The following VPS53 variants were observed in gnomAD, a reference collection of about 807,000 sequenced individuals.
VPS53 encodes vacuolar protein sorting-associated protein 53 homolog.
A neutral mutation model predicts 107.0 loss-of-function variants in VPS53; 70 were observed. The observed-to-expected ratio is 0.65, with a 90% CI of 0.54 to 0.80. The LOEUF (loss-of-function observed/expected upper bound fraction) is 0.80. Ranked by LOEUF, VPS53 falls within the 30% of genes least tolerant of loss-of-function variation. VPS53 has a pLI of 0.00. For missense variants in VPS53, 917 were observed against 1,049.4 expected (o/e 0.87, Z 1.74); for synonymous variants, 409 against 393.3 (o/e 1.04, Z -0.47).
chr17:635,374 T>C (rs2143227104), intron 7 of VPS53, among the ~76,000 whole-genome samples: 1 of 152,352 alleles, frequency 6.6e-6, no homozygotes, highest in Non-Finnish European at 1.5e-5. Flanking sequence ...ATAGTTTCTT[T>C]TGCTGTGCAG....
intron 13 of VPS53, among the ~76,000 whole-genome samples, chr17:573,181 G>A (rs1466089794): frequency 1.3e-5 from 2 of 152,212 alleles, no homozygotes; most frequent in South Asian, 2.1e-4. Context: ...TAACTTCCCT[G>A]ATGGAGAACG....
intron 12 of VPS53, among the ~76,000 whole-genome samples, chr17:599,190 G>C (rs371734216): frequency 1.0e-3 from 150 of 144,350 alleles, no homozygotes; most frequent in Middle Eastern, 3.9e-3. Flanking sequence ...GCCTCTGCCC[G>C]GCCGCCCCTA....
chr17:602,302 A>G (rs1170898959), intron 11 of VPS53, among the ~76,000 whole-genome samples: 1 of 152,212 alleles, frequency 6.6e-6, no homozygotes, highest in Non-Finnish European at 1.5e-5. Context: ...TCTGGCCTCC[A>G]TGATGGCAGA....
At chr17:556,945 A>AGGGCCTCTCTGCTGAGGG in intron 15 of VPS53, among the ~76,000 whole-genome samples, 1 of 150,228 alleles carries the variant, frequency 6.7e-6, no homozygotes, top group African/African-American at 2.5e-5. Context: ...CTCTCTGAGG[A>AGGGCCTCTCTGCTGAGGG]GGTGATACTG....
At chr17:624,403 C>A (rs1219511196) in intron 10 of VPS53, among the ~76,000 whole-genome samples, 1 of 152,208 alleles carries the variant, frequency 6.6e-6, no homozygotes, top group Non-Finnish European at 1.5e-5. Flanking sequence ...GCACGCTTAG[C>A]TGGTCCCTGC....
chr17:624,729 G>A (rs1327809392), intron 10 of VPS53, among the ~76,000 whole-genome samples: 23 of 152,154 alleles, frequency 1.5e-4, no homozygotes. Flanking sequence ...TTCTCACTGA[G>A]CTGGTTTGCA....
At chr17:647,774 A>G (rs1474553154) in intron 7 of VPS53, among the ~76,000 whole-genome samples, 4 of 152,232 alleles carry the variant, frequency 2.6e-5, no homozygotes, top group Non-Finnish European at 5.9e-5. Flanking sequence ...CCTGCCCCGG[A>G]GCGTCAGAAA....
intron 4 of VPS53, among the ~76,000 whole-genome samples, chr17:693,578 A>G (rs1480432669): frequency 6.6e-6 from 1 of 152,178 alleles, no homozygotes; most frequent in East Asian, 1.9e-4. Context: ...AAAATTAAAA[A>G]TTAAAAATAG....
chr17:527,055 T>A (rs745659042), intron 19 of VPS53, among the ~76,000 whole-genome samples: 9 of 152,218 alleles, frequency 5.9e-5, no homozygotes, highest in Non-Finnish European at 1.2e-4. Context: ...TTTAAAAAAA[T>A]TAGGTATAAC....
intron 13 of VPS53, among the ~76,000 whole-genome samples, chr17:582,572 G>A (rs1279369695): frequency 2.2e-5 from 3 of 136,630 alleles, no homozygotes; most frequent in Non-Finnish European, 3.1e-5. Flanking sequence ...TCCTTCAGAC[G>A]CTAATGTGTT....
At chr17:556,815 A>C (rs550253258) in intron 15 of VPS53, among the ~76,000 whole-genome samples, 1 of 128,210 alleles carries the variant, frequency 7.8e-6, no homozygotes, top group Non-Finnish European at 1.7e-5. Flanking sequence ...GCCAGCCGAG[A>C]CGTAACTTCG....
chr17:645,346 T>C (rs778210135), intron 7 of VPS53, among the ~76,000 whole-genome samples: 1 of 152,234 alleles, frequency 6.6e-6, no homozygotes, highest in Non-Finnish European at 1.5e-5. Flanking sequence ...GGTTTTTTAA[T>C]TGAGTTGTTT....
chr17:601,828 C>T lies in VPS53; in HGVS notation c.1185G>A (p.Glu395=), dbSNP rs1408220242. ...FLEDEPTPEM[E]ELATEKGDLD... ...AATCTCCTTTCTCCGTTGCCAGTTCCTCCATCTCTGGTGTTGGCTCATCTT... is the reference window on the plus strand; with the variant it reads ...AATCTCCTTTCTCCGTTGCCAGTTCTTCCATCTCTGGTGTTGGCTCATCTT... Residue 395 remains glutamate (E), a synonymous_variant, in exon 12 of 22, where the codon GAG becomes GAA. Transcript: ENST00000437048. 6.2e-7 allele frequency: 1 copy of T among 1,602,926 alleles called. No individual in the cohort carries two copies. Among genetic ancestry groups the T allele is most frequent in the Non-Finnish European group, 8.5e-7 (1 of 1,174,220 alleles).
At chr17:585,218 T>C (rs1967249200) in intron 13 of VPS53, among the ~76,000 whole-genome samples, 1 of 152,226 alleles carries the variant, frequency 6.6e-6, no homozygotes, top group Admixed American at 6.5e-5. Context: ...GTGATGTGCC[T>C]CTTGACACAA....
At chr17:537,826 T>C (rs1423702661) in intron 17 of VPS53, 1 of 152,148 alleles carries the variant, frequency 6.6e-6, no homozygotes, top group African/African-American at 2.4e-5. Flanking sequence ...AAAATTTCCA[T>C]AATAAAACAC....
chr17:657,238 G>A, intron 5 of VPS53: 1 of 1,203,044 alleles, frequency 8.3e-7, no homozygotes, highest in Non-Finnish European at 1.2e-6. Flanking sequence ...GGTCTCCTCA[G>A]GTGTACAGCA....
intron 19 of VPS53, among the ~76,000 whole-genome samples, chr17:523,607 G>A (rs766334265): frequency 6.4e-4 from 97 of 152,302 alleles, no homozygotes; most frequent in Non-Finnish European, 1.2e-3. Context: ...TGGGGAAGAC[G>A]TCAGTGTTTT....
chr17:556,143 G>C (rs371376618), intron 15 of VPS53, among the ~76,000 whole-genome samples: 1 of 152,138 alleles, frequency 6.6e-6, no homozygotes, highest in African/African-American at 2.4e-5. Context: ...GCCAGGCATG[G>C]TGGCAGGTGC....
intron 4 of VPS53, among the ~76,000 whole-genome samples, chr17:669,903 G>A (rs1347611199): frequency 2.0e-5 from 3 of 149,604 alleles, no homozygotes; most frequent in Non-Finnish European, 4.5e-5. Context: ...AAAAAAAAAA[G>A]AAGAAAAAAA....
Sources: allele counts gnomAD v4.1 joint callset (sites outside exome capture counted in the v4.1 genomes callset), GRCh38; gene constraint gnomAD v4.1.1; transcripts MANE v1.5; gene names NCBI Gene and HGNC (gene_info 2026-07-23, HGNC 2026-07-21).